Variants in USP47 observed in about 807,000 individuals in gnomAD.
The protein encoded by USP47 is ubiquitin specific peptidase 47.
A neutral mutation model predicts 165.1 loss-of-function variants in USP47; 35 were observed. The observed-to-expected ratio is 0.21, with a 90% CI of 0.16 to 0.28. The LOEUF (loss-of-function observed/expected upper bound fraction) is 0.28, where lower values mean the gene tolerates loss of function less well. USP47 is among the 10% of genes least tolerant of loss of function. USP47 has a pLI of 1.00. For synonymous variants in USP47, 531 were observed against 544.5 expected (o/e 0.98, Z 0.35); for missense variants, 1,277 against 1,607.4 (o/e 0.79, Z 3.52).
chr11:11,941,390 T>C (rs937428516), intron 19 of USP47, among the ~76,000 whole-genome samples: 1 of 152,018 alleles, frequency 6.6e-6, no homozygotes, highest in African/African-American at 2.4e-5. Context: ...ATTTGTAACA[T>C]TTACTGAATA....
intron 1 of USP47, chr11:11,878,696 C>G (rs569987239): frequency 2.2e-4 from 33 of 151,976 alleles, no homozygotes; most frequent in African/African-American, 7.7e-4. Flanking sequence ...AATTGTAGTG[C>G]TACCCAATTT....
intron 1 of USP47, among the ~76,000 whole-genome samples, chr11:11,858,010 T>G (rs921698280): frequency 6.6e-6 from 1 of 152,090 alleles, no homozygotes; most frequent in Admixed American, 6.6e-5. Flanking sequence ...ACCACTTCAT[T>G]TACATGAGGT....
chr11:11,896,953 A>G (rs931202785), intron 4 of USP47, among the ~76,000 whole-genome samples: 1 of 151,980 alleles, frequency 6.6e-6, no homozygotes, highest in Non-Finnish European at 1.5e-5. Context: ...ATAAGTACAG[A>G]TGGTGTGGAT....
At chr11:11,880,155 C>G in intron 1 of USP47, 22 bp from the exon 2 acceptor site, 1 of 1,431,402 alleles carries the variant, frequency 7.0e-7, no homozygotes, top group Non-Finnish European at 9.2e-7. Context: ...TATATAAAGT[C>G]ATATTTTTCT....
Position 11,842,115 on chromosome 11 carries a change from C to A in USP47, c.-71C>A. 6.5e-7 allele frequency: 1 copy of A among 1,535,348 alleles called. No individual in the cohort carries two copies. Among genetic ancestry groups the A allele is most frequent in the Non-Finnish European group, 8.8e-7 (1 of 1,135,486 alleles). ...AGGATGACTGCCGCTGCCATTCTCT[C>A]TTGAGCTAGCGAGCCGCCGCCACCC... On this transcript the variant is annotated 5_prime_UTR_variant, in exon 1 of 28. Transcript: ENST00000527733.
intron 7 of USP47, among the ~76,000 whole-genome samples, chr11:11,904,516 A>T (rs1055598817): frequency 6.6e-6 from 1 of 152,168 alleles, no homozygotes; most frequent in East Asian, 1.9e-4. Context: ...GTGTTTTAGT[A>T]ACTATGTAGA....
At chr11:11,950,746 C>T (rs1486595259) in intron 24 of USP47, 1 of 206,562 alleles carries the variant, frequency 4.8e-6, no homozygotes, top group African/African-American at 2.3e-5. Flanking sequence ...GTCTTTCAGC[C>T]TTCTGCTATC....
chr11:11,848,768 C>T (rs939315166), intron 1 of USP47, among the ~76,000 whole-genome samples: 1 of 152,054 alleles, frequency 6.6e-6, no homozygotes, highest in Non-Finnish European at 1.5e-5. Flanking sequence ...CGCCACCACA[C>T]CTGGCTAATT....
At chr11:11,924,283 A>G (rs1854078544) in intron 11 of USP47, among the ~76,000 whole-genome samples, 1 of 152,158 alleles carries the variant, frequency 6.6e-6, no homozygotes, top group Admixed American at 6.5e-5. Context: ...TGATTTTCAA[A>G]TGTTAAGCTG....
chr11:11,894,506 A>G (rs796083327), intron 4 of USP47, among the ~76,000 whole-genome samples: 5 of 152,292 alleles, frequency 3.3e-5, no homozygotes, highest in African/African-American at 1.2e-4. Flanking sequence ...CAAAATGCTG[A>G]TATAGCTGCT....
chr11:11,868,058 A>G (rs922537341), intron 1 of USP47, among the ~76,000 whole-genome samples: 2 of 152,152 alleles, frequency 1.3e-5, no homozygotes, highest in South Asian at 4.1e-4. Flanking sequence ...AGAATAGACA[A>G]TGTTTTATTA....
At chr11:11,900,481 A>G (rs1230390499) in intron 5 of USP47, among the ~76,000 whole-genome samples, 2 of 152,098 alleles carry the variant, frequency 1.3e-5, no homozygotes, top group Admixed American at 6.6e-5. Flanking sequence ...CTTTTTGCAT[A>G]GTAGCCAACA....
intron 8 of USP47, 37 bp from the exon 9 acceptor site, chr11:11,920,119 T>A (rs753182608): frequency 1.2e-4 from 169 of 1,447,364 alleles, no homozygotes; most frequent in Non-Finnish European, 1.5e-4. Flanking sequence ...TAATATAATA[T>A]TTTAAGTAAT....
chr11:11,940,427 A>G lies in USP47; in HGVS notation c.2194-2A>G. On this transcript the variant is annotated splice_acceptor_variant, in intron 18 of 27. Coordinates refer to ENST00000527733, the MANE Select transcript of USP47 (RefSeq NM_001282659.2). LOFTEE classifies it high-confidence loss of function. Reference sequence around the variant, plus strand: ...CTTTTTATTAAATTGCTTTCATTATAGGCCATCCATTTACCTGCTGAAACA... The same window carrying G: ...CTTTTTATTAAATTGCTTTCATTATGGGCCATCCATTTACCTGCTGAAACA... The G allele has an allele frequency of 6.2e-7, 1 of 1,605,056 alleles. No homozygotes were observed. Among genetic ancestry groups the G allele is most frequent in the Non-Finnish European group, 8.5e-7 (1 of 1,175,372 alleles).
chr11:11,938,894 A>T (rs1855270490), intron 18 of USP47, among the ~76,000 whole-genome samples: 1 of 151,746 alleles, frequency 6.6e-6, no homozygotes, highest in Non-Finnish European at 1.5e-5. Flanking sequence ...TAGGACTTGT[A>T]ATTGTTAAAT....
In USP47 at chr11:11,950,395, C is replaced by G; in HGVS notation, c.3496C>G (p.Pro1166Ala). 1 of 1,605,112 alleles carries G rather than the reference C, an allele frequency of 6.2e-7. No homozygotes were observed. Among genetic ancestry groups the G allele is most frequent in the Non-Finnish European group, 8.5e-7 (1 of 1,176,980 alleles). ...TCTAAGGAAAAAAACATGGAAGAAT[C>G]CTGGCACTGTCTTTTTGGATTATCA... ...FRLRKKTWKN[P>A]GTVFLDYHIY... The change falls in exon 24 of 28, where the codon CCT (proline) becomes GCT (alanine). Residue 1166 changes from proline to alanine, a missense_variant. Pro to Ala is a conservative substitution (Grantham distance 27). Coordinates refer to ENST00000527733, the MANE Select transcript of USP47 (RefSeq NM_001282659.2).
chr11:11,866,637 T>C (rs1849697812), intron 1 of USP47, among the ~76,000 whole-genome samples: 1 of 152,204 alleles, frequency 6.6e-6, no homozygotes, highest in African/African-American at 2.4e-5. Context: ...CTTTCTTTTT[T>C]CCTATAATAC....
rs978106754 is a variant in USP47, at chr11:11,880,033, C to T, written c.40-144C>T. The T allele has an allele frequency of 2.3e-5, 13 of 563,772 alleles. No individual in the cohort carries two copies. The Admixed American group carries it at 2.3e-4, about 10-fold the overall frequency. 34.9% of individuals were successfully genotyped at this position (563,772 alleles called of 1,614,324 possible). ...ATCCATTAGAATGCGTTTCAGACTA[C>T]GATAAAACAGAGAAAATAGCACAGA... is the stretch of plus-strand genomic sequence containing the variant. On this transcript the variant is annotated intron_variant, in intron 1 of 27. Coordinates refer to ENST00000527733, the MANE Select transcript of USP47 (RefSeq NM_001282659.2).
intron 1 of USP47, among the ~76,000 whole-genome samples, chr11:11,862,736 TATTA>T (rs1260661434): frequency 6.6e-6 from 1 of 152,090 alleles, no homozygotes; most frequent in East Asian, 1.9e-4. Context: ...TTTTTTTCTT[TATTA>T]GAGATAGGGT....
Sources: allele counts gnomAD v4.1 joint callset (sites outside exome capture counted in the v4.1 genomes callset), GRCh38; gene constraint gnomAD v4.1.1; transcripts MANE v1.5; gene names NCBI Gene and HGNC (gene_info 2026-07-23, HGNC 2026-07-21).